ARHGAP39: variants seen among roughly 807,000 people sequenced by gnomAD.
The protein encoded by ARHGAP39 is Rho GTPase activating protein 39.
A neutral mutation model predicts 106.9 loss-of-function variants in ARHGAP39; 44 were observed. The ratio of observed to expected loss-of-function variants is 0.41; its 90% CI spans 0.32 to 0.53. The LOEUF is 0.53. Ranked by LOEUF, ARHGAP39 falls within the 20% of genes least tolerant of loss-of-function variation. The pLI, the probability that ARHGAP39 is intolerant of heterozygous loss-of-function variation, is 0.21. For missense variants in ARHGAP39, 1,496 were observed against 1,577.3 expected, an observed-to-expected ratio of 0.95 and a Z score of 0.87; for synonymous variants, 768 against 693.2, an observed-to-expected ratio of 1.11 and a Z score of -1.69.
At chr8:144,643,378 G>A (rs916586513) in intron 1 of ARHGAP39, among the ~76,000 whole-genome samples, 3 of 152,110 alleles carry the variant, frequency 2.0e-5, no homozygotes, top group Non-Finnish European at 4.4e-5. Context: ...GCTTGAGCCC[G>A]GGAGGCAGAG....
intron 2 of ARHGAP39, among the ~76,000 whole-genome samples, chr8:144,593,761 G>A (rs893878802): frequency 6.6e-6 from 1 of 152,066 alleles, no homozygotes; most frequent in Non-Finnish European, 1.5e-5. Flanking sequence ...CTGCACTCCC[G>A]TCTGCGCAAC....
intron 2 of ARHGAP39, among the ~76,000 whole-genome samples, chr8:144,603,181 C>CTG (rs758491514): frequency 4.0e-5 from 4 of 100,382 alleles, no homozygotes; most frequent in Admixed American, 3.4e-4. Flanking sequence ...GCTCATGTAC[C>CTG]TGTGTGTGTG....
At chr8:144,543,448 A>G (rs188570962) in intron 6 of ARHGAP39, among the ~76,000 whole-genome samples, 8 of 152,234 alleles carry the variant, frequency 5.3e-5, no homozygotes, top group Non-Finnish European at 1.2e-4. Context: ...CGAACCTAGG[A>G]GTGGATCCTG....
At chr8:144,576,784 A>T (rs904065175) in intron 3 of ARHGAP39, among the ~76,000 whole-genome samples, 4 of 152,262 alleles carry the variant, frequency 2.6e-5, no homozygotes, top group African/African-American at 9.6e-5. Context: ...GTTATTTTTA[A>T]AATGTTAACG....
intron 10 of ARHGAP39, 108 bp downstream of exon 10, chr8:144,532,197 C>T: frequency 3.4e-6 from 3 of 895,244 alleles, no homozygotes; most frequent in Admixed American, 2.1e-5. Flanking sequence ...GGGAAGCCAT[C>T]ACATCACTGG....
chr8:144,536,115 G>T (rs1305121912), intron 7 of ARHGAP39, among the ~76,000 whole-genome samples: 1 of 152,204 alleles, frequency 6.6e-6, no homozygotes, highest in Non-Finnish European at 1.5e-5. Flanking sequence ...ACCCTCACCT[G>T]TGTGGGGTGC....
At chr8:144,564,344 G>A (rs971211381) in intron 3 of ARHGAP39, among the ~76,000 whole-genome samples, 4 of 152,194 alleles carry the variant, frequency 2.6e-5, no homozygotes, top group African/African-American at 4.8e-5. Context: ...GTCTCGGGAC[G>A]TGCCACTTGG....
chr8:144,654,978 G>A (rs1563725703), intron 1 of ARHGAP39, among the ~76,000 whole-genome samples: 2 of 152,164 alleles, frequency 1.3e-5, no homozygotes, highest in African/African-American at 4.8e-5. Context: ...TGCACTCTTG[G>A]GGGCCCAGGA....
chr8:144,689,308 C>T (rs114965849), upstream of ARHGAP39, among the ~76,000 whole-genome samples: 889 of 152,020 alleles, frequency 5.8e-3, 10 homozygotes, highest in African/African-American at 0.021. Flanking sequence ...CAGCAGCTCT[C>T]GCGAGTTACA....
At chr8:144,660,494 G>A (rs533653105) in intron 1 of ARHGAP39, among the ~76,000 whole-genome samples, 1 of 152,240 alleles carries the variant, frequency 6.6e-6, no homozygotes, top group African/African-American at 2.4e-5. Flanking sequence ...CAACACACTA[G>A]TCACTTGTCA....
chr8:144,676,803 C>G (rs1171623325), intron 1 of ARHGAP39, among the ~76,000 whole-genome samples: 1 of 152,260 alleles, frequency 6.6e-6, no homozygotes, highest in African/African-American at 2.4e-5. Context: ...CGGCCAGCCC[C>G]AGAGAGAGGC....
chr8:144,639,648 G>A (rs1821261767), intron 1 of ARHGAP39, among the ~76,000 whole-genome samples: 1 of 151,794 alleles, frequency 6.6e-6, no homozygotes. Context: ...TTAACAAAAT[G>A]AAGTGCAGGG....
At chr8:144,556,416 G>A (rs116392457) in intron 3 of ARHGAP39, among the ~76,000 whole-genome samples, 1,669 of 152,136 alleles carry the variant, frequency 0.011, 32 homozygotes, top group African/African-American at 0.038. Flanking sequence ...TCCCAGGTAT[G>A]TGATCAAACC....
chr8:144,537,734 A>G lies in ARHGAP39; in HGVS notation c.2601T>C (p.Val867=). Residue 867 remains valine (V), a synonymous_variant, in exon 7 of 12, where the codon GTT becomes GTC. Coordinates refer to ENST00000377307, the MANE Select transcript of ARHGAP39 (RefSeq NM_025251.3). ...GAGAGGCCCTACCATCCGGCTCTTC[A>G]ACATAAGGCTTGGGTTTCTTTCTCA... is the stretch of plus-strand genomic sequence containing the variant. The part of the protein sequence containing the change: ...SKLRKKPKPY[V]EEPDGVAIST... The G allele has an allele frequency of 1.9e-6, 3 of 1,613,992 alleles. No individual in the cohort carries two copies. Among genetic ancestry groups the G allele is most frequent in the Non-Finnish European group, 2.5e-6 (3 of 1,179,930 alleles).
intron 1 of ARHGAP39, among the ~76,000 whole-genome samples, chr8:144,617,088 TC>T (rs1031586999): frequency 1.3e-5 from 2 of 151,910 alleles, no homozygotes; most frequent in Admixed American, 1.3e-4. Flanking sequence ...TGGCCTGTAG[TC>T]CCAGCTACTC....
intron 4 of ARHGAP39, among the ~76,000 whole-genome samples, chr8:144,551,374 G>A (rs1817683019): frequency 6.6e-6 from 1 of 152,188 alleles, no homozygotes; most frequent in Admixed American, 6.5e-5. Context: ...CAGAGGACCT[G>A]CCCACATGCC....
At position 144,580,795 on chromosome 8, in the gene ARHGAP39, C is replaced by T. The variant is rs552892619; in HGVS notation, c.512+51G>A. 4 of 1,434,074 alleles carry T rather than the reference C, an allele frequency of 2.8e-6. No homozygotes were observed. The South Asian group carries it at 4.3e-5, about 16-fold the overall frequency. 88.8% of individuals were successfully genotyped at this position (1,434,074 alleles called of 1,614,324 possible). A position where few individuals can be genotyped will look rare whatever the true frequency, so the allele number is the denominator to read the frequency against. On this transcript the variant is annotated intron_variant, in intron 3 of 11. Coordinates refer to ENST00000377307, the MANE Select transcript of ARHGAP39 (RefSeq NM_025251.3). ...ACCCCCTACCTGCCTCACCTGGCCC[C>T]GCCCACTCCATTCACCTGGCCCCGC...
chr8:144,570,816 C>A (rs1818560818), intron 3 of ARHGAP39, among the ~76,000 whole-genome samples: 1 of 152,192 alleles, frequency 6.6e-6, no homozygotes, highest in African/African-American at 2.4e-5. Context: ...ACCGATCCCA[C>A]AGAAATACAA....
chr8:144,677,504 C>A (rs921470877), intron 1 of ARHGAP39, among the ~76,000 whole-genome samples: 1 of 152,184 alleles, frequency 6.6e-6, no homozygotes, highest in African/African-American at 2.4e-5. Flanking sequence ...GGTACATTTG[C>A]AAAACACTGT....
Sources: allele counts gnomAD v4.1 joint callset (sites outside exome capture counted in the v4.1 genomes callset), GRCh38; gene constraint gnomAD v4.1.1; transcripts MANE v1.5; gene names NCBI Gene and HGNC (gene_info 2026-07-23, HGNC 2026-07-21).